Variants in NEDD4L observed in about 807,000 individuals in gnomAD.
NEDD4L encodes E3 ubiquitin-protein ligase NEDD4-like.
In NEDD4L, 54 loss-of-function variants were observed where a neutral mutation model predicts 148.9. The ratio of observed to expected loss-of-function variants is 0.36; its 90% CI spans 0.29 to 0.45. NEDD4L has a LOEUF of 0.45. NEDD4L is among the 20% of genes least tolerant of loss of function. The pLI, the probability that NEDD4L is intolerant of heterozygous loss-of-function variation, is 1.00. For synonymous variants in NEDD4L, 433 were observed against 440.7 expected (o/e 0.98, Z 0.22); for missense variants, 856 against 1,233.8 (o/e 0.69, Z 4.59).
chr18:58,236,930 G>C (rs551774204), intron 2 of NEDD4L, among the ~76,000 whole-genome samples: 1 of 152,086 alleles, frequency 6.6e-6, no homozygotes, highest in African/African-American at 2.4e-5. Context: ...GGCTGAGGCA[G>C]GAGAATAGCT....
At chr18:58,250,827 G>T (rs1245649473) in intron 4 of NEDD4L, among the ~76,000 whole-genome samples, 3 of 152,174 alleles carry the variant, frequency 2.0e-5, no homozygotes, top group Non-Finnish European at 4.4e-5. Flanking sequence ...GGATTTGCAT[G>T]CGATGATGTA....
chr18:58,386,702 C>T (rs2049073439), intron 26 of NEDD4L, among the ~76,000 whole-genome samples: 1 of 152,240 alleles, frequency 6.6e-6, no homozygotes, highest in Non-Finnish European at 1.5e-5. Context: ...GACTGATTTT[C>T]TCTGCACTGA....
intron 1 of NEDD4L, among the ~76,000 whole-genome samples, chr18:58,112,643 C>A (rs942746404): frequency 3.3e-5 from 5 of 152,042 alleles, no homozygotes; most frequent in Admixed American, 3.3e-4. Flanking sequence ...CATGTGCCAC[C>A]ATGCCCAGCT....
chr18:58,064,713 A>G (rs1017806369), intron 1 of NEDD4L, among the ~76,000 whole-genome samples: 8 of 152,238 alleles, frequency 5.3e-5, no homozygotes, highest in African/African-American at 1.9e-4. Flanking sequence ...ACTCGTTTAC[A>G]TAAAGTGGTC....
At chr18:58,134,308 C>T (rs1449860269) in intron 1 of NEDD4L, among the ~76,000 whole-genome samples, 1 of 150,902 alleles carries the variant, frequency 6.6e-6, no homozygotes, top group East Asian at 1.9e-4. Context: ...GCCTAATATT[C>T]TTAATTTGGC....
chr18:58,217,561 T>G (rs1365414435), intron 2 of NEDD4L, among the ~76,000 whole-genome samples: 1 of 152,240 alleles, frequency 6.6e-6, no homozygotes. Flanking sequence ...TGCAGCATTA[T>G]AACTCTTGGG....
At chr18:58,100,622 G>T (rs2084690449) in intron 1 of NEDD4L, among the ~76,000 whole-genome samples, 1 of 152,088 alleles carries the variant, frequency 6.6e-6, no homozygotes, top group South Asian at 2.1e-4. Flanking sequence ...AAGAGATTTT[G>T]ACTTGTTCAT....
intron 22 of NEDD4L, among the ~76,000 whole-genome samples, chr18:58,369,240 G>A (rs2046509068): frequency 6.6e-6 from 1 of 152,172 alleles, no homozygotes; most frequent in Admixed American, 6.5e-5. Flanking sequence ...TTTCAGATGA[G>A]TGAGGACCAG....
chr18:58,368,009 TC>T lies in NEDD4L; in HGVS notation c.2185+144del, dbSNP rs561185720. 212 of 892,622 alleles carry T rather than the reference TC, an allele frequency of 2.4e-4. 2 individuals carry two copies. The African/African-American group carries it at 3.1e-3, about 13-fold the overall frequency. 55.3% of individuals were successfully genotyped at this position (892,622 alleles called of 1,614,324 possible). ...TTTTATGTTTTGCCCATAATGGATG[TC>T]CTTTTCTCTGGTAGCTTATTTTGGG... On this transcript the variant is annotated intron_variant, in intron 22 of 30. Coordinates refer to ENST00000400345, the MANE Select transcript of NEDD4L (RefSeq NM_001144967.3).
chr18:58,376,769 A>AC (rs1325854626), intron 24 of NEDD4L, among the ~76,000 whole-genome samples: 1 of 151,950 alleles, frequency 6.6e-6, no homozygotes, highest in African/African-American at 2.4e-5. Flanking sequence ...TGAGATAAAG[A>AC]CCCCAACCTT....
intron 2 of NEDD4L, among the ~76,000 whole-genome samples, chr18:58,202,320 C>G (rs1384931535): frequency 6.6e-6 from 1 of 152,244 alleles, no homozygotes; most frequent in Non-Finnish European, 1.5e-5. Context: ...GTTAAACTCT[C>G]TTTCCCTCTG....
chr18:58,184,736 G>A (rs2039256962), intron 2 of NEDD4L, among the ~76,000 whole-genome samples: 1 of 152,094 alleles, frequency 6.6e-6, no homozygotes, highest in Non-Finnish European at 1.5e-5. Context: ...AGACCATCCT[G>A]GCTAACACGG....
At chr18:58,115,376 C>G (rs879648397) in intron 1 of NEDD4L, among the ~76,000 whole-genome samples, 18 of 151,776 alleles carry the variant, frequency 1.2e-4, no homozygotes, top group Non-Finnish European at 5.9e-5. Flanking sequence ...GATGCAATTC[C>G]CTGCTTACAT....
intron 1 of NEDD4L, among the ~76,000 whole-genome samples, chr18:58,061,267 T>C (rs2082318980): frequency 6.6e-6 from 1 of 152,180 alleles, no homozygotes; most frequent in South Asian, 2.1e-4. Flanking sequence ...GAGCCAGTCA[T>C]GTTAGATCAT....
chr18:58,133,111 G>T (rs1200024047), intron 1 of NEDD4L, among the ~76,000 whole-genome samples: 1 of 152,180 alleles, frequency 6.6e-6, no homozygotes, highest in African/African-American at 2.4e-5. Context: ...TCTGTCAAAA[G>T]AACTCACTGA....
In NEDD4L at chr18:58,333,863, G is replaced by A. The variant is rs545427970; in HGVS notation, c.1036G>A (p.Ala346Thr). The A allele has an allele frequency of 8.4e-5, 135 of 1,613,688 alleles. No individual in the cohort carries two copies. Among genetic ancestry groups the A allele is most frequent in the Non-Finnish European group, 1.0e-4 (119 of 1,179,726 alleles). ...GTTGAGGTCATGCAGTGTCACCGAC[G>A]CAGTTGCAGAACAGGGCCATCTACC... ...SRLRSCSVTDAVAEQGHLPPP... is the reference protein window; with the variant it reads ...SRLRSCSVTDTVAEQGHLPPP... Residue 346 changes from alanine to threonine, a missense_variant, in exon 12 of 31, where the codon GCA (alanine) becomes ACA (threonine). Physicochemically the swap from Ala to Thr is moderately conservative, Grantham distance 58. Transcript: ENST00000400345.
chr18:58,389,146 A>G lies in NEDD4L; in HGVS notation c.2609A>G (p.Lys870Arg), dbSNP rs1168031232. 1 of 1,613,884 alleles carries G rather than the reference A, an allele frequency of 6.2e-7. No homozygotes were observed. The highest frequency in any genetic ancestry group is 8.5e-7 in the Non-Finnish European group (1 of 1,179,884). The change falls in exon 28 of 31, where the codon AAG becomes AGG. Residue 870 changes from lysine to arginine, a missense_variant. Coordinates refer to ENST00000400345, the MANE Select transcript of NEDD4L (RefSeq NM_001144967.3). ...GACTGGAGACAGCATTCTATTTACA[A>G]GAACGGCTACTGCCCAAACCACCCC... The part of the protein sequence containing the change: ...VNDWRQHSIY[K>R]NGYCPNHPVI...
rs762846714 is a variant in NEDD4L at position 58,341,022 on chromosome 18, T to C, written c.1126-16T>C. ...AATGCAAGGTATTAAATAATAATGA[T>C]TTCTTGCACAAACAGCCATCAGTGG... On this transcript the variant is annotated splice_polypyrimidine_tract_variant and intron_variant, in intron 13 of 30. Transcript: ENST00000400345. The C allele has an allele frequency of 3.1e-6, 5 of 1,602,084 alleles. No homozygotes were observed. Among genetic ancestry groups the C allele is most frequent in the Non-Finnish European group, 4.3e-6 (5 of 1,174,584 alleles).
At chr18:58,384,626 G>C (rs1318042706) in intron 25 of NEDD4L, among the ~76,000 whole-genome samples, 2 of 152,186 alleles carry the variant, frequency 1.3e-5, no homozygotes, top group East Asian at 3.8e-4. Context: ...GGCCAGGCAG[G>C]GTTCCAGCTA....
Sources: allele counts gnomAD v4.1 joint callset (sites outside exome capture counted in the v4.1 genomes callset), GRCh38; gene constraint gnomAD v4.1.1; transcripts MANE v1.5; gene names NCBI Gene and HGNC (gene_info 2026-07-23, HGNC 2026-07-21).